The following LYPLA1 variants were observed in gnomAD, a reference collection of about 807,000 sequenced individuals.
LYPLA1 encodes the protein lysophospholipase 1, also known as acyl-protein thioesterase 1.
LYPLA1 carries 17 observed loss-of-function variants against 34.0 expected under a neutral mutation model. That is an observed-to-expected ratio of 0.50 (90% CI 0.34 to 0.75). The LOEUF is 0.75. LYPLA1 is among the 30% of genes least tolerant of loss of function. LYPLA1 has a pLI of 0.01. For synonymous variants in LYPLA1, 98 were observed against 100.8 expected (o/e 0.97, Z 0.17); for missense variants, 203 against 288.8 (o/e 0.70, Z 2.15).
chr8:54,075,834 T>C (rs1807855640), intron 2 of LYPLA1, among the ~76,000 whole-genome samples: 1 of 152,164 alleles, frequency 6.6e-6, no homozygotes, highest in South Asian at 2.1e-4. Context: ...GGACTGGACC[T>C]GGCCAGAAAT....
intron 1 of LYPLA1, chr8:54,101,539 G>C (rs1586197701): frequency 2.6e-6 from 3 of 1,144,086 alleles, no homozygotes; most frequent in East Asian, 8.5e-5. Context: ...GCAATGCAGG[G>C]AGGAGCTGGG....
intron 2 of LYPLA1, among the ~76,000 whole-genome samples, chr8:54,082,500 G>A (rs1334590217): frequency 6.6e-6 from 1 of 151,536 alleles, no homozygotes; most frequent in Non-Finnish European, 1.5e-5. Flanking sequence ...TTTTTTTTTG[G>A]TAGAGACAGG....
At chr8:54,087,393 G>T (rs1018159943) in intron 2 of LYPLA1, among the ~76,000 whole-genome samples, 3 of 152,198 alleles carry the variant, frequency 2.0e-5, no homozygotes, top group African/African-American at 7.2e-5. Context: ...AGCTACCCGG[G>T]AAGCCGAGGC....
chr8:54,063,030 G>C (rs1218748335), intron 4 of LYPLA1, among the ~76,000 whole-genome samples: 1 of 152,040 alleles, frequency 6.6e-6, no homozygotes, highest in Non-Finnish European at 1.5e-5. Flanking sequence ...AAGAGGCTGT[G>C]GTTTAATAGG....
chr8:54,092,032 T>C (rs1218548116), intron 2 of LYPLA1, among the ~76,000 whole-genome samples: 1 of 151,476 alleles, frequency 6.6e-6, no homozygotes, highest in African/African-American at 2.4e-5. Context: ...TTCACGCCAC[T>C]GCACTCCAGC....
intron 3 of LYPLA1, among the ~76,000 whole-genome samples, chr8:54,063,710 G>A (rs1490685720): frequency 2.0e-5 from 3 of 152,138 alleles, no homozygotes; most frequent in Non-Finnish European, 4.4e-5. Flanking sequence ...ACGAGATTCC[G>A]GTATAGGGCT....
chr8:54,065,743 C>T lies in LYPLA1; in HGVS notation c.167+5G>A, dbSNP rs748189338. 1.1e-5 allele frequency: 18 copies of T among 1,612,418 alleles called. No homozygotes were observed. The highest frequency in any genetic ancestry group is 1.4e-5 in the Non-Finnish European group (17 of 1,178,766). ...ATCACAAGCCTGAAGATCAGAAATA[C>T]TCACGCATGCGGGCAGATATATTTG... is the stretch of plus-strand genomic sequence containing the variant. On this transcript the variant is annotated splice_donor_5th_base_variant and intron_variant, in intron 3 of 8. Coordinates refer to ENST00000316963, the MANE Select transcript of LYPLA1 (RefSeq NM_006330.4).
chr8:54,086,376 G>T (rs1196127813), intron 2 of LYPLA1, among the ~76,000 whole-genome samples: 14 of 135,522 alleles, frequency 1.0e-4, no homozygotes, highest in African/African-American at 3.9e-4. Context: ...ATTGTCCTAT[G>T]ACCCTGCCAA....
At chr8:54,091,622 AAGG>A (rs1160161137) in intron 2 of LYPLA1, among the ~76,000 whole-genome samples, 4 of 151,056 alleles carry the variant, frequency 2.6e-5, no homozygotes, top group Non-Finnish European at 5.9e-5. Context: ...GGAAGGAAGG[AAGG>A]AGAAATACTA....
chr8:54,078,591 A>C (rs1385134240), intron 2 of LYPLA1, among the ~76,000 whole-genome samples: 1 of 152,166 alleles, frequency 6.6e-6, no homozygotes, highest in African/African-American at 2.4e-5. Flanking sequence ...TATTCAGCTA[A>C]AGGTCACCAG....
intron 2 of LYPLA1, among the ~76,000 whole-genome samples, chr8:54,082,969 G>A (rs1298835092): frequency 2.6e-5 from 4 of 152,038 alleles, no homozygotes; most frequent in Non-Finnish European, 4.4e-5. Context: ...CTCGTGATCC[G>A]CCCGCCTCGG....
chr8:54,099,569 C>T (rs939866126), intron 2 of LYPLA1, among the ~76,000 whole-genome samples: 39 of 152,058 alleles, frequency 2.6e-4, no homozygotes, highest in African/African-American at 5.3e-4. Flanking sequence ...CCCAGCTACT[C>T]GGGAGACCCA....
At chr8:54,078,893 T>A (rs1305619515) in intron 2 of LYPLA1, among the ~76,000 whole-genome samples, 1 of 151,976 alleles carries the variant, frequency 6.6e-6, no homozygotes, top group Non-Finnish European at 1.5e-5. Context: ...CCCCCTTTTT[T>A]TTTGCTTTTT....
At chr8:54,101,548 G>A in intron 1 of LYPLA1, 2 of 1,146,852 alleles carry the variant, frequency 1.7e-6, no homozygotes, top group African/African-American at 1.6e-5. Context: ...GGAGGAGCTG[G>A]GGACTGGCCC....
intron 2 of LYPLA1, among the ~76,000 whole-genome samples, chr8:54,072,447 A>G (rs1280650583): frequency 4.6e-5 from 7 of 152,166 alleles, no homozygotes. Context: ...GAGTAAACAA[A>G]CATCCTGCAG....
At chr8:54,084,623 A>G (rs746127242) in intron 2 of LYPLA1, among the ~76,000 whole-genome samples, 1 of 152,172 alleles carries the variant, frequency 6.6e-6, no homozygotes, top group Non-Finnish European at 1.5e-5. Flanking sequence ...CTTTGAAAAG[A>G]TCAACAAAAA....
chr8:54,096,275 C>T (rs990043146), intron 2 of LYPLA1, among the ~76,000 whole-genome samples: 3 of 152,120 alleles, frequency 2.0e-5, no homozygotes, highest in African/African-American at 4.8e-5. Context: ...AAGTTTAAAA[C>T]ATAACAGAAT....
At chr8:54,082,972 C>T (rs558527862) in intron 2 of LYPLA1, among the ~76,000 whole-genome samples, 2 of 152,246 alleles carry the variant, frequency 1.3e-5, no homozygotes, top group South Asian at 2.1e-4. Context: ...GTGATCCGCC[C>T]GCCTCGGCTT....
intron 2 of LYPLA1, among the ~76,000 whole-genome samples, chr8:54,068,865 T>G (rs954671315): frequency 8.5e-5 from 13 of 152,126 alleles, no homozygotes; most frequent in Non-Finnish European, 1.8e-4. Flanking sequence ...AAGGACACTA[T>G]GAAGAAAATG....
Sources: gnomAD v4.1 joint callset for allele counts (sites outside exome capture counted in the v4.1 genomes callset) on GRCh38, gnomAD v4.1.1 for gene constraint, MANE v1.5 for transcripts, NCBI Gene and HGNC (gene_info 2026-07-23, HGNC 2026-07-21) for gene names.